TRHDE: variants seen among roughly 807,000 people sequenced by gnomAD.
TRHDE encodes the protein thyrotropin-releasing hormone-degrading ectoenzyme.
Under a neutral mutation model 125.7 loss-of-function variants are expected in TRHDE, and 72 were observed. The ratio of observed to expected loss-of-function variants is 0.57; its 90% CI spans 0.47 to 0.70. TRHDE has a LOEUF of 0.70. Ranked by LOEUF, TRHDE falls within the 30% of genes least tolerant of loss-of-function variation. TRHDE has a pLI of 0.00. For synonymous variants in TRHDE, 509 were observed against 509.1 expected (o/e 1.00, Z 0.00); for missense variants, 1,110 against 1,327.1 (o/e 0.84, Z 2.54).
chr12:72,435,698 G>A (rs1161356152), intron 3 of TRHDE, among the ~76,000 whole-genome samples: 1 of 141,762 alleles, frequency 7.1e-6, no homozygotes, highest in Non-Finnish European at 1.5e-5. Flanking sequence ...TGTTTGTTCT[G>A]AATGAAGTGG....
In TRHDE at chr12:72,225,315, C is replaced by A. The variant is rs546829079; in HGVS notation, n.279+119563C>A. On this transcript the variant is annotated intron_variant and non_coding_transcript_variant, in intron 2 of 4. Transcript: ENST00000548156. ...CAACATTAGCCTCATAAGCAGCACA[C>A]CCTCTAACCAAGTGAATTGCTTAAA... is the stretch of plus-strand genomic sequence containing the variant. Among the ~76,000 whole-genome samples the A allele has an allele frequency of 3.9e-5, 6 of 152,244 alleles. No individual in the cohort carries two copies. In the East Asian group the frequency reaches 7.7e-4, roughly 20 times the overall value.
chr12:72,452,977 G>A (rs963100063), intron 3 of TRHDE, among the ~76,000 whole-genome samples: 7 of 152,136 alleles, frequency 4.6e-5, no homozygotes, highest in African/African-American at 1.7e-4. Context: ...TTTCTTTATA[G>A]CAATGTGAGA....
intron 15 of TRHDE, among the ~76,000 whole-genome samples, chr12:72,624,337 G>A (rs1291614607): frequency 6.6e-6 from 1 of 151,826 alleles, no homozygotes; most frequent in Non-Finnish European, 1.5e-5. Context: ...TAAATAGAGT[G>A]ATTTACAAAA....
upstream of TRHDE, among the ~76,000 whole-genome samples, chr12:72,267,534 A>G (rs1352198883): frequency 6.6e-6 from 1 of 152,022 alleles, no homozygotes; most frequent in Non-Finnish European, 1.5e-5. Context: ...ATAGTATAAT[A>G]TTAATAGGTT....
rs980250982 is a variant in TRHDE at position 72,520,936 on chromosome 12, C to A, written c.1722+21301C>A. Among the ~76,000 whole-genome samples, 3 of 152,222 alleles carry A rather than the reference C, an allele frequency of 2.0e-5. No homozygotes were observed. The East Asian group carries it at 5.8e-4, about 29-fold the overall frequency. ...ATTTATTCAGTGTTAGCTATGTTCC[C>A]AGAGTTTTACCAGATATCATGCAAT... On this transcript the variant is annotated intron_variant, in intron 6 of 18. Coordinates refer to ENST00000261180, the MANE Select transcript of TRHDE (RefSeq NM_013381.3).
At chr12:72,365,281 A>G (rs1357779700) in intron 2 of TRHDE, among the ~76,000 whole-genome samples, 7 of 151,898 alleles carry the variant, frequency 4.6e-5, no homozygotes, top group Non-Finnish European at 1.0e-4. Context: ...GTGGGGCTAA[A>G]TGAACAAAAG....
chr12:72,342,914 A>C (rs1870147317), intron 2 of TRHDE, among the ~76,000 whole-genome samples: 1 of 152,252 alleles, frequency 6.6e-6, no homozygotes, highest in Non-Finnish European at 1.5e-5. Flanking sequence ...AGCATTTATT[A>C]TGTGGCAGGC....
chr12:72,556,894 C>T (rs1359845406), intron 7 of TRHDE, among the ~76,000 whole-genome samples: 1 of 152,300 alleles, frequency 6.6e-6, no homozygotes. Context: ...TATAGGACAT[C>T]CTACTTCCCA....
chr12:72,300,384 A>G (rs1354712220), intron 2 of TRHDE, among the ~76,000 whole-genome samples: 7 of 151,944 alleles, frequency 4.6e-5, no homozygotes, highest in Non-Finnish European at 7.4e-5. Flanking sequence ...ACACACACAC[A>G]CACACACACA....
chr12:72,266,851 C>T (rs777738661), intron 2 of TRHDE, among the ~76,000 whole-genome samples: 15 of 152,010 alleles, frequency 9.9e-5, no homozygotes, highest in Non-Finnish European at 2.1e-4. Context: ...TCTTTTTCAG[C>T]TTCAGTTTCT....
At chr12:72,391,090 A>C (rs903982292) in intron 3 of TRHDE, among the ~76,000 whole-genome samples, 1 of 152,150 alleles carries the variant, frequency 6.6e-6, no homozygotes, top group African/African-American at 2.4e-5. Context: ...ATTTTTTATA[A>C]AATTGGCTAT....
intron 1 of TRHDE, among the ~76,000 whole-genome samples, chr12:72,278,440 G>A (rs750903383): frequency 1.3e-5 from 2 of 151,968 alleles, no homozygotes; most frequent in Non-Finnish European, 2.9e-5. Flanking sequence ...TTTTTCTTTG[G>A]ATATATAATC....
intron 2 of TRHDE, among the ~76,000 whole-genome samples, chr12:72,357,291 C>CA (rs1414970362): frequency 6.6e-6 from 1 of 151,498 alleles, no homozygotes; most frequent in East Asian, 1.9e-4. Context: ...GAAAAATACT[C>CA]AAAAAATACC....
At chr12:72,559,630 T>G (rs939415610) in intron 7 of TRHDE, among the ~76,000 whole-genome samples, 1 of 152,206 alleles carries the variant, frequency 6.6e-6, no homozygotes, top group African/African-American at 2.4e-5. Flanking sequence ...CACAATTCTT[T>G]TTAAGTTAAT....
intron 2 of TRHDE, among the ~76,000 whole-genome samples, chr12:72,166,093 G>T (rs908701424): frequency 6.6e-6 from 1 of 152,094 alleles, no homozygotes. Flanking sequence ...ATAGCCTATT[G>T]TTCCTAGGCT....
chr12:72,235,511 C>T (rs575098930), intron 2 of TRHDE, among the ~76,000 whole-genome samples: 1 of 152,276 alleles, frequency 6.6e-6, no homozygotes, highest in South Asian at 2.1e-4. Context: ...TCAGCTATTG[C>T]TTTAACAAGC....
intron 3 of TRHDE, among the ~76,000 whole-genome samples, chr12:72,388,056 T>C (rs1872500214): frequency 6.6e-6 from 1 of 151,954 alleles, no homozygotes; most frequent in Non-Finnish European, 1.5e-5. Context: ...ATCTCATTTA[T>C]TTCCCTCCTA....
chr12:72,583,956 G>T (rs570259144), intron 12 of TRHDE, among the ~76,000 whole-genome samples: 1 of 61,960 alleles, frequency 1.6e-5, no homozygotes, highest in Non-Finnish European at 2.3e-5. Flanking sequence ...TTTTTGAGAC[G>T]GAGTCTCGCT....
chr12:72,577,997 G>A (rs1457809033), intron 12 of TRHDE, among the ~76,000 whole-genome samples: 1 of 151,990 alleles, frequency 6.6e-6, no homozygotes, highest in Non-Finnish European at 1.5e-5. Context: ...GGTCTTACTT[G>A]GAGTTAAGGA....
Sources: gnomAD v4.1 joint callset for allele counts (sites outside exome capture counted in the v4.1 genomes callset) on GRCh38, gnomAD v4.1.1 for gene constraint, MANE v1.5 for transcripts, NCBI Gene and HGNC (gene_info 2026-07-23, HGNC 2026-07-21) for gene names.